PPP1R12C: variants seen among roughly 807,000 people sequenced by gnomAD.
PPP1R12C encodes leukocyte receptor cluster (LRC) encoded novel gene 3.
In PPP1R12C, 48 loss-of-function variants were observed where a neutral mutation model predicts 95.6. The observed-to-expected ratio is 0.50, with a 90% CI of 0.40 to 0.64. The LOEUF is 0.64. Among genes scored for constraint, PPP1R12C ranks in the 30% least tolerant of loss-of-function variants. The pLI is 0.00. For synonymous variants in PPP1R12C, 480 were observed against 460.8 expected (o/e 1.04, Z -0.53); for missense variants, 1,057 against 1,083.3 (o/e 0.98, Z 0.34).
chr19:55,102,252 G>A (rs1052386209), intron 4 of PPP1R12C, among the ~76,000 whole-genome samples: 2 of 152,202 alleles, frequency 1.3e-5, no homozygotes, highest in Admixed American at 6.5e-5. Flanking sequence ...AGTGGCTCAC[G>A]CCTGTAACCC....
At chr19:55,092,051 G>A (rs546742997) in intron 19 of PPP1R12C, 142 bp from the exon 20 acceptor site, 129 of 1,194,208 alleles carry the variant, frequency 1.1e-4, no homozygotes, top group Non-Finnish European at 1.4e-4. Context: ...GCCACCGGCA[G>A]GCCCACAGCC....
At chr19:55,097,238 TCAC>T (rs1360294618) in intron 6 of PPP1R12C, among the ~76,000 whole-genome samples, 13 of 95,152 alleles carry the variant, frequency 1.4e-4, no homozygotes, top group African/African-American at 5.7e-4. Flanking sequence ...CCCGCGCAGT[TCAC>T]CACCGTCTTC....
rs1327506392 is a variant in PPP1R12C at position 55,095,336 on chromosome 19, C to G, written c.1409G>C (p.Arg470Thr). The change falls in exon 11 of 22, where the codon AGA becomes ACA. Residue 470 changes from arginine to threonine, a missense_variant. Around this residue, in one of 5 missense-constraint regions of PPP1R12C, gnomAD observed 356 missense variants for 330.5 expected, o/e 1.08. Coordinates refer to ENST00000263433, the MANE Select transcript of PPP1R12C (RefSeq NM_017607.4). Reference protein sequence around the residue: ...STQAKELRLARITPTPSPKLP... With the variant: ...STQAKELRLATITPTPSPKLP... ...CTTCGGGGAGGGGGTCGGGGTAATT[C>G]TGGCAAGACGGAGCTCCTTGGCCTG... is the stretch of plus-strand genomic sequence containing the variant. The G allele has an allele frequency of 6.3e-7, 1 of 1,592,738 alleles. No individual in the cohort carries two copies. The highest frequency in any genetic ancestry group is 1.1e-5 in the South Asian group (1 of 87,638).
At chr19:55,103,673 C>T (rs1380648646) in intron 3 of PPP1R12C, 105 bp from the exon 4 acceptor site, 2 of 1,144,544 alleles carry the variant, frequency 1.7e-6, no homozygotes, top group Non-Finnish European at 2.4e-6. Flanking sequence ...TTGCCCAGAG[C>T]TCTTCCCCCT....
intron 4 of PPP1R12C, 41 bp from the exon 5 acceptor site, chr19:55,099,136 G>A: frequency 1.4e-6 from 2 of 1,467,014 alleles, no homozygotes; most frequent in Non-Finnish European, 1.8e-6. Flanking sequence ...CCAAGGCGGG[G>A]CCCTTGGCCG....
rs1339516536 is a variant in PPP1R12C, at chr19:55,109,431, A to G, written c.571+3036T>C. On this transcript the variant is annotated intron_variant, in intron 3 of 21. Transcript: ENST00000263433. This position sits in a 1 kb window ranked among gnomAD's most constrained non-coding sequence, Gnocchi z 4.4. The stretch of plus-strand genomic sequence containing the variant: ...CCTTTTCCGGCCTGAGCCAGGAGGA[A>G]CGGGTTTTGGTTCTTGCAAAGAGTC... 1.3e-5 allele frequency among the ~76,000 whole-genome samples: 2 copies of G among 152,206 alleles called. No homozygotes were observed. Among genetic ancestry groups the G allele is most frequent in the African/African-American group, 2.4e-5 (1 of 41,468 alleles).
At position 55,095,296 on chromosome 19, in the gene PPP1R12C, A is replaced by G. The variant is rs1209693253; in HGVS notation, c.1449T>C (p.Ser483=). The change falls in exon 11 of 22, where the codon TCT becomes TCC. Residue 483 remains serine, a synonymous_variant. Transcript: ENST00000263433. ...CCCAGGCCCTGGGGACTCACAGGAC[A>G]GAGGGCTCCGGCAGCTTCGGGGAGG... The part of the protein sequence containing the change: ...PTPSPKLPEP[S]VLSEVTKPPP... 3.2e-6 allele frequency: 5 copies of G among 1,575,694 alleles called. No homozygotes were observed. The highest frequency in any genetic ancestry group is 4.3e-6 in the Non-Finnish European group (5 of 1,161,092).
Position 55,091,845 on chromosome 19 carries a change from C to A in PPP1R12C, c.2211+14G>T. On this transcript the variant is annotated intron_variant, in intron 20 of 21. Coordinates refer to ENST00000263433, the MANE Select transcript of PPP1R12C (RefSeq NM_017607.4). Reference sequence around the variant, plus strand: ...GGGACGCCTCTGGCCCCCATCCCCACTGCCCCTACTCACGAATCTCTCCAG... The same window carrying A: ...GGGACGCCTCTGGCCCCCATCCCCAATGCCCCTACTCACGAATCTCTCCAG... 6.2e-7 allele frequency: 1 copy of A among 1,613,464 alleles called. No individual in the cohort carries two copies.
In PPP1R12C at chr19:55,112,646, C is replaced by T. The variant is rs1298976727; in HGVS notation, c.452+19G>A. Reference sequence around the variant, plus strand: ...GCCCCCACCCCGACCAGGTCCTGCCCGGCCCTCCCTTGCCTCACCTGGCGA... The same window carrying T: ...GCCCCCACCCCGACCAGGTCCTGCCTGGCCCTCCCTTGCCTCACCTGGCGA... On this transcript the variant is annotated intron_variant, in intron 2 of 21. Coordinates refer to ENST00000263433, the MANE Select transcript of PPP1R12C (RefSeq NM_017607.4). 16 of 1,613,076 alleles carry T rather than the reference C, an allele frequency of 9.9e-6. No homozygotes were observed. The highest frequency in any genetic ancestry group is 1.6e-4 in the Middle Eastern group (1 of 6,082).
chr19:55,096,655 A>G (rs1445935515), intron 6 of PPP1R12C, among the ~76,000 whole-genome samples: 1 of 151,904 alleles, frequency 6.6e-6, no homozygotes, highest in Non-Finnish European at 1.5e-5. Flanking sequence ...ACCCCTCAGC[A>G]TACCCAGGGC....
intron 6 of PPP1R12C, 26 bp from the exon 7 acceptor site, chr19:55,096,361 G>C: frequency 6.2e-7 from 1 of 1,610,640 alleles, no homozygotes; most frequent in Non-Finnish European, 8.5e-7. Flanking sequence ...GGGGCTGCAG[G>C]GGAGGGGTGG....
rs374693024 is a variant in PPP1R12C, at chr19:55,091,819, G to A, written c.2211+40C>T. On this transcript the variant is annotated intron_variant, in intron 20 of 21. Transcript: ENST00000263433. ...GGTCCAAACTTAGGGATGTGAGGCT[G>A]GGGACGCCTCTGGCCCCCATCCCCA... is the stretch of plus-strand genomic sequence containing the variant. 25 of 1,612,488 alleles carry A rather than the reference G, an allele frequency of 1.6e-5. No individual in the cohort carries two copies. The Middle Eastern group carries it at 8.2e-4, about 53-fold the overall frequency.
At chr19:55,104,128 A>C (rs1443107496) in intron 3 of PPP1R12C, among the ~76,000 whole-genome samples, 1 of 140,470 alleles carries the variant, frequency 7.1e-6, no homozygotes, top group Non-Finnish European at 1.5e-5. Flanking sequence ...ACGCCACTGC[A>C]CTCCAGCCTG....
intron 3 of PPP1R12C, 44 bp from the exon 4 acceptor site, chr19:55,103,612 C>T (rs1331141427): frequency 1.3e-6 from 2 of 1,486,188 alleles, no homozygotes; most frequent in Middle Eastern, 3.6e-4. Context: ...ACCCCATGAC[C>T]TGAAATACCC....
At chr19:55,103,142 C>T (rs971377817) in intron 4 of PPP1R12C, among the ~76,000 whole-genome samples, 6 of 152,006 alleles carry the variant, frequency 3.9e-5, no homozygotes, top group African/African-American at 1.5e-4. Flanking sequence ...TGCAGTGAGC[C>T]ACGACTGTGC....
At chr19:55,093,286 C>T (rs2084869606) in intron 13 of PPP1R12C, 53 bp from the exon 14 acceptor site, 1 of 1,550,210 alleles carries the variant, frequency 6.5e-7, no homozygotes, top group Non-Finnish European at 8.8e-7. Flanking sequence ...CCCAGCCCCT[C>T]CTCCCTCAGA....
At chr19:55,091,732 G>C (rs1304844847) in intron 20 of PPP1R12C, 32 bp from the exon 21 acceptor site, 1 of 1,613,558 alleles carries the variant, frequency 6.2e-7, no homozygotes, top group Non-Finnish European at 8.5e-7. Flanking sequence ...CAGAAACTGA[G>C]TGAGGCTGAG....
rs975047921 is a variant in PPP1R12C at position 55,096,423 on chromosome 19, C to T, written c.952-88G>A. ...CCACAAACAGCTGTGCAGGAGCTCA[C>T]TGCCCAGGCGGGCACCGAGGGCTCG... On this transcript the variant is annotated intron_variant, in intron 6 of 21. Transcript: ENST00000263433. 7.4e-6 allele frequency: 11 copies of T among 1,480,026 alleles called. No individual in the cohort carries two copies. The African/African-American group carries it at 9.7e-5, about 13-fold the overall frequency. The allele number at this position is 1,480,026 out of a possible 1,614,324, so 91.7% of individuals were successfully genotyped here.
At chr19:55,094,303 C>T (rs1275979587) in intron 13 of PPP1R12C, 42 bp downstream of exon 13, 3 of 1,247,262 alleles carry the variant, frequency 2.4e-6, no homozygotes, top group African/African-American at 2.0e-5. Context: ...CCAGCCCCTC[C>T]TCCCTCAGAC....
Sources: gnomAD v4.1 joint callset for allele counts (sites outside exome capture counted in the v4.1 genomes callset) on GRCh38, gnomAD v4.1.1 for gene constraint, gnomAD v4.1.1 regional missense constraint, Gnocchi (gnomAD v3.1) non-coding constraint, MANE v1.5 for transcripts, NCBI Gene and HGNC (gene_info 2026-07-23, HGNC 2026-07-21) for gene names.